Variants in SLC47A2 observed in about 807,000 individuals in gnomAD.
SLC47A2 encodes the protein solute carrier family 47 member 2.
SLC47A2 carries 52 observed loss-of-function variants against 67.7 expected under a neutral mutation model. That is an observed-to-expected ratio of 0.77 (90% CI 0.61 to 0.97). The LOEUF (loss-of-function observed/expected upper bound fraction) is 0.97, where lower values mean the gene tolerates loss of function less well. Ranked by LOEUF, SLC47A2 falls within the 50% of genes least tolerant of loss-of-function variation. SLC47A2 has a pLI of 0.00. For synonymous variants in SLC47A2, 278 were observed against 292.9 expected (o/e 0.95, Z 0.52); for missense variants, 676 against 712.3 (o/e 0.95, Z 0.58).
upstream of SLC47A2, chr17:19,718,690 C>T (rs2086310164): frequency 6.6e-6 from 1 of 152,258 alleles, no homozygotes; most frequent in Admixed American, 6.5e-5. Flanking sequence ...TGGGTTTGAC[C>T]CTGGGGAGGA....
intron 13 of SLC47A2, among the ~76,000 whole-genome samples, chr17:19,686,669 G>C (rs1351327011): frequency 6.6e-6 from 1 of 152,134 alleles, no homozygotes; most frequent in Non-Finnish European, 1.5e-5. Flanking sequence ...AGATAAAATA[G>C]ATTTCAAGAC....
At position 19,683,257 on chromosome 17, in the gene SLC47A2, A is replaced by G. The variant is rs542619644; in HGVS notation, c.1165-1587T>C. ...GTGTGGTGGGGGAAAGTGTTACAGC[A>G]TCTAGTGGGTAGAGACCAAGGATGC... is the stretch of plus-strand genomic sequence containing the variant. On this transcript the variant is annotated intron_variant, in intron 13 of 16. Transcript: ENST00000433844. Among the ~76,000 whole-genome samples, 61 of 152,274 alleles carry G rather than the reference A, an allele frequency of 4.0e-4. 1 individual carries two copies. The South Asian group carries it at 0.013, about 32-fold the overall frequency.
At chr17:19,700,756 C>CT (rs1414721199) in intron 13 of SLC47A2, among the ~76,000 whole-genome samples, 29 of 130,118 alleles carry the variant, frequency 2.2e-4, no homozygotes, top group Middle Eastern at 4.3e-3. Flanking sequence ...CAGAGTGAGA[C>CT]CTGTCTCAAA....
chr17:19,711,674 A>G (rs2086104829), intron 5 of SLC47A2, among the ~76,000 whole-genome samples: 1 of 151,624 alleles, frequency 6.6e-6, no homozygotes, highest in Non-Finnish European at 1.5e-5. Context: ...ATCTTTTAAT[A>G]ATAATAGTCT....
chr17:19,682,358 CACACACAA>C (rs1424816889), intron 13 of SLC47A2, among the ~76,000 whole-genome samples: 9 of 151,194 alleles, frequency 6.0e-5, no homozygotes, highest in African/African-American at 2.0e-4. Flanking sequence ...CACACACACA[CACACACAA>C]ATTTATTATT....
At chr17:19,711,610 A>AG (rs954197024) in intron 5 of SLC47A2, among the ~76,000 whole-genome samples, 2 of 150,500 alleles carry the variant, frequency 1.3e-5, no homozygotes, top group Middle Eastern at 3.4e-3. Context: ...AAAAAAAAAA[A>AG]AAAAAAGAAA....
rs1033270978 is a variant in SLC47A2, at chr17:19,708,191, C to T, written c.629+111G>A. ...CCCTCCAACTCCCCATAACCCTCCACTTCAGGACGGCACAGGCAGGGCCAG... is the reference window on the plus strand; with the variant it reads ...CCCTCCAACTCCCCATAACCCTCCATTTCAGGACGGCACAGGCAGGGCCAG... On this transcript the variant is annotated intron_variant, in intron 7 of 16. Transcript: ENST00000433844. 9 of 1,272,944 alleles carry T rather than the reference C, an allele frequency of 7.1e-6. No individual in the cohort carries two copies. In the African/African-American group the frequency reaches 1.3e-4, roughly 19 times the overall value. The allele number at this position is 1,272,944 out of a possible 1,614,324, so 78.9% of individuals were successfully genotyped here.
chr17:19,687,485 AAAG>A (rs912107310), intron 13 of SLC47A2, among the ~76,000 whole-genome samples: 36 of 152,264 alleles, frequency 2.4e-4, no homozygotes, highest in Admixed American at 4.6e-4. Flanking sequence ...TAGTAGAAGA[AAAG>A]AAAGAATAAA....
upstream of SLC47A2, chr17:19,717,527 G>T (rs1406946311): frequency 6.5e-6 from 1 of 152,710 alleles, no homozygotes; most frequent in Non-Finnish European, 1.5e-5. Flanking sequence ...GTGAGCGAGG[G>T]GGGCAGGAAG....
upstream of SLC47A2, chr17:19,716,799 G>A (rs560325178): frequency 2.7e-5 from 14 of 510,328 alleles, no homozygotes; most frequent in African/African-American, 9.7e-5. Context: ...CACCCAGACC[G>A]CTGCCTGTTG....
chr17:19,695,922 A>G (rs2085653150), intron 13 of SLC47A2, among the ~76,000 whole-genome samples: 1 of 151,450 alleles, frequency 6.6e-6, no homozygotes, highest in Non-Finnish European at 1.5e-5. Context: ...TGGGGGTTTC[A>G]CCATTTTGGC....
At chr17:19,704,826 T>TTC in intron 10 of SLC47A2, 1 of 525,058 alleles carries the variant, frequency 1.9e-6, no homozygotes. Context: ...AATGTGCTTT[T>TTC]TTTTTTTTTT....
At chr17:19,708,939 G>C (rs963453546) in intron 5 of SLC47A2, among the ~76,000 whole-genome samples, 179 bp from the exon 6 acceptor site, 1 of 152,210 alleles carries the variant, frequency 6.6e-6, no homozygotes, top group Non-Finnish European at 1.5e-5. Context: ...ACTCATGCTC[G>C]GGCCCAGCCT....
intron 13 of SLC47A2, among the ~76,000 whole-genome samples, chr17:19,700,272 C>T (rs1295221995): frequency 6.6e-6 from 1 of 152,026 alleles, no homozygotes; most frequent in African/African-American, 2.4e-5. Flanking sequence ...TAAAAGTTTA[C>T]AAAATATAAA....
chr17:19,692,227 CAAAAAA>C, intron 13 of SLC47A2: 2 of 364,938 alleles, frequency 5.5e-6, no homozygotes, highest in Non-Finnish European at 5.1e-6. Flanking sequence ...GACTCCATGT[CAAAAAA>C]AAAAAAAAGA....
In SLC47A2 at chr17:19,714,847, C is replaced by T. The variant is rs1597647235; in HGVS notation, c.226-58G>A. 12 of 1,606,872 alleles carry T rather than the reference C, an allele frequency of 7.5e-6. No homozygotes were observed. In the East Asian group the frequency reaches 2.5e-4, roughly 33 times the overall value. ...GTCAGGTGAGGCCTGAAGAGAGGCC[C>T]CTGCATCTGGGCTGAGCCAGGGTCA... On this transcript the variant is annotated intron_variant, in intron 2 of 16. Transcript: ENST00000433844.
Position 19,678,490 on chromosome 17 carries a change from G to A in SLC47A2, c.*196C>T. 3.3e-6 allele frequency: 2 copies of A among 606,202 alleles called. No individual in the cohort carries two copies. Among genetic ancestry groups the A allele is most frequent in the Non-Finnish European group, 5.8e-6 (2 of 343,386 alleles). 37.6% of individuals were successfully genotyped at this position (606,202 alleles called of 1,614,324 possible). ...AAGTCACAGAAGAAAACTCCAGCTT[G>A]ACCAGAACAGAATTGTCAAGTCTGT... On this transcript the variant is annotated 3_prime_UTR_variant, in exon 17 of 17. Coordinates refer to ENST00000433844, the MANE Select transcript of SLC47A2 (RefSeq NM_001099646.3).
chr17:19,717,916 T>C (rs944035292), upstream of SLC47A2: 5 of 152,202 alleles, frequency 3.3e-5, no homozygotes, highest in African/African-American at 1.2e-4. Context: ...CACCAAATAG[T>C]ACCTTTACCA....
At chr17:19,694,986 CAG>C (rs1042070944) in intron 13 of SLC47A2, among the ~76,000 whole-genome samples, 1 of 146,478 alleles carries the variant, frequency 6.8e-6, no homozygotes, top group Non-Finnish European at 1.5e-5. Context: ...TTAAAGAAAA[CAG>C]AGGAGAAAAT....
Sources: allele counts gnomAD v4.1 joint callset (sites outside exome capture counted in the v4.1 genomes callset), GRCh38; gene constraint gnomAD v4.1.1; transcripts MANE v1.5; gene names NCBI Gene and HGNC (gene_info 2026-07-23, HGNC 2026-07-21).